RBFOX1: variants seen among roughly 807,000 people sequenced by gnomAD.
The protein encoded by RBFOX1 is RNA binding protein fox-1 homolog 1.
Under a neutral mutation model 57.7 loss-of-function variants are expected in RBFOX1, and 8 were observed. The ratio of observed to expected loss-of-function variants is 0.14; its 90% confidence interval spans 0.08 to 0.25. The LOEUF (loss-of-function observed/expected upper bound fraction) is 0.25, where lower values mean the gene tolerates loss of function less well. RBFOX1 is among the 10% of genes least tolerant of loss of function. The probability of loss-of-function intolerance (pLI) is 1.00; values close to 1 mark genes in which losing one functional copy is unlikely to be tolerated. For synonymous variants in RBFOX1, 326 were observed against 222.4 expected (o/e 1.47, Z -4.15); for missense variants, 611 against 548.5 (o/e 1.11, Z -1.14).
intron 4 of RBFOX1, among the ~76,000 whole-genome samples, chr16:7,140,068 T>C (rs1454735232): frequency 6.6e-6 from 1 of 151,854 alleles, no homozygotes; most frequent in East Asian, 1.9e-4. Flanking sequence ...CAAAGAATGG[T>C]AGGCTCTGTC....
At chr16:7,699,426 A>T (rs887212801) in intron 14 of RBFOX1, among the ~76,000 whole-genome samples, 1 of 152,122 alleles carries the variant, frequency 6.6e-6, no homozygotes, top group Non-Finnish European at 1.5e-5. Context: ...TCCTGGCCTC[A>T]AGCCATCCTG....
chr16:5,248,285 G>A (rs1269850319), intron 1 of RBFOX1, among the ~76,000 whole-genome samples: 4 of 152,256 alleles, frequency 2.6e-5, no homozygotes, highest in African/African-American at 9.6e-5. Flanking sequence ...AAAAGCTCTT[G>A]CTAATAACCA....
chr16:6,469,514 G>C (rs2095126784), intron 2 of RBFOX1, among the ~76,000 whole-genome samples: 1 of 152,166 alleles, frequency 6.6e-6, no homozygotes, highest in Non-Finnish European at 1.5e-5. Flanking sequence ...AGTTAGCTTT[G>C]AAAACAAGAC....
At chr16:6,958,868 C>A (rs1056985359) in intron 3 of RBFOX1, among the ~76,000 whole-genome samples, 1 of 151,956 alleles carries the variant, frequency 6.6e-6, no homozygotes, top group Admixed American at 6.6e-5. Context: ...CTTTTATTAC[C>A]TTTTTTTGAG....
chr16:5,903,285 G>C (rs72769087), intron 4 of RBFOX1, among the ~76,000 whole-genome samples: 1 of 151,998 alleles, frequency 6.6e-6, no homozygotes, highest in Admixed American at 6.6e-5. Context: ...CCACTGCTTC[G>C]TCATCCTCCC....
At chr16:5,274,720 C>T (rs2063099764) in intron 1 of RBFOX1, among the ~76,000 whole-genome samples, 2 of 152,186 alleles carry the variant, frequency 1.3e-5, no homozygotes, top group East Asian at 1.9e-4. Context: ...ACTATGGCCG[C>T]AGGAGCCACC....
intron 3 of RBFOX1, among the ~76,000 whole-genome samples, chr16:6,982,827 T>C (rs888015110): frequency 1.3e-5 from 2 of 151,936 alleles, no homozygotes. Context: ...GCCCTGTCTC[T>C]ACTAAAAATA....
chr16:6,899,210 T>C (rs1043942063), intron 3 of RBFOX1, among the ~76,000 whole-genome samples: 1 of 148,058 alleles, frequency 6.8e-6, no homozygotes, highest in Admixed American at 6.6e-5. Context: ...TGTGTGTATA[T>C]GTGTGTGTAT....
Position 6,512,283 on chromosome 16 carries a change from C to CAAAAAAAAAAAAAAAAAA in RBFOX1, c.-63-142304_-63-142303insAAAAAAAAAAAAAAAAAA, listed in dbSNP as rs565248640. Among the ~76,000 whole-genome samples the CAAAAAAAAAAAAAAAAAA allele has an allele frequency of 8.5e-4, 74 of 86,942 alleles. 2 individuals are homozygous for CAAAAAAAAAAAAAAAAAA. The highest frequency in any genetic ancestry group is 1.7e-3 in the African/African-American group (35 of 20,158). The allele number at this position is 86,942 out of a possible 152,430, so 57.0% of individuals were successfully genotyped here. A position where few individuals can be genotyped will look rare whatever the true frequency, so the allele number is the denominator to read the frequency against. ...TGGGTAACAGAGCAAGACCCTGTATCAAAAAAAAAAAAAAAAGGTAAGAGA... is the reference window on the plus strand; with the variant it reads ...TGGGTAACAGAGCAAGACCCTGTATCAAAAAAAAAAAAAAAAAAAAAAAAAAAAAAAAAAGGTAAGAGA... On this transcript the variant is annotated intron_variant, in intron 2 of 15. Transcript: ENST00000550418.
intron 1 of RBFOX1, among the ~76,000 whole-genome samples, chr16:5,388,912 C>A (rs1289767968): frequency 6.7e-6 from 1 of 150,028 alleles, no homozygotes; most frequent in African/African-American, 2.4e-5. Flanking sequence ...AGGTAAGGGG[C>A]CGGGCGCGGT....
At chr16:6,103,469 T>C (rs771692098) in intron 1 of RBFOX1, among the ~76,000 whole-genome samples, 1 of 152,138 alleles carries the variant, frequency 6.6e-6, no homozygotes, top group Non-Finnish European at 1.5e-5. Flanking sequence ...TCAGGCTAGG[T>C]TGATGCTGTA....
At chr16:7,612,930 A>G (rs1286198334) in intron 10 of RBFOX1, among the ~76,000 whole-genome samples, 1 of 152,200 alleles carries the variant, frequency 6.6e-6, no homozygotes, top group Admixed American at 6.5e-5. Flanking sequence ...AAGATGCACC[A>G]CTTGAACACA....
chr16:7,525,897 T>C (rs1286169450), intron 5 of RBFOX1, among the ~76,000 whole-genome samples: 1 of 152,296 alleles, frequency 6.6e-6, no homozygotes, highest in South Asian at 2.1e-4. Context: ...GTCTGCCTGA[T>C]GTTAAAGTCC....
At chr16:6,782,346 A>G (rs561551813) in intron 3 of RBFOX1, among the ~76,000 whole-genome samples, 5 of 152,206 alleles carry the variant, frequency 3.3e-5, no homozygotes, top group Admixed American at 3.3e-4. Flanking sequence ...TGTATCCCAT[A>G]GGTTTCAGTA....
chr16:6,549,035 A>G (rs62015486), intron 2 of RBFOX1, among the ~76,000 whole-genome samples: 62,550 of 144,834 alleles, frequency 0.43, 13,925 homozygotes, highest in East Asian at 0.73. Context: ...AGATCATGCC[A>G]CTGCACTCCA....
In RBFOX1 at chr16:7,572,336, C is replaced by T. The variant is rs1006957387; in HGVS notation, c.271-7441C>T. Among the ~76,000 whole-genome samples the T allele has an allele frequency of 2.6e-5, 4 of 152,246 alleles. No homozygotes were observed. The South Asian group carries it at 8.3e-4, about 32-fold the overall frequency. ...GACTTGCAGGTCGCTCATGGTAAGG[C>T]TTAGTCATTTACGCTGCAGATATTT... On this transcript the variant is annotated intron_variant, in intron 5 of 15. Coordinates refer to ENST00000550418, the MANE Select transcript of RBFOX1 (RefSeq NM_018723.4).
Position 5,429,093 on chromosome 16 carries a change from C to G in RBFOX1, c.220-38123C>G, listed in dbSNP as rs73522561. Among the ~76,000 whole-genome samples the G allele has an allele frequency of 1.9e-3, 289 of 152,284 alleles. 3 individuals are homozygous for G. Among genetic ancestry groups the G allele is most frequent in the African/African-American group, 6.8e-3 (281 of 41,564 alleles). On this transcript the variant is annotated intron_variant, in intron 1 of 2. Transcript: ENST00000585867. Reference sequence around the variant, plus strand: ...GCGAAGGGGACCAGGAAAACCAGCCCTGCACTGGGTCAGTTTCCCTCCTGC... The same window carrying G: ...GCGAAGGGGACCAGGAAAACCAGCCGTGCACTGGGTCAGTTTCCCTCCTGC...
At chr16:7,098,041 G>A (rs1301348904) in intron 4 of RBFOX1, among the ~76,000 whole-genome samples, 2 of 152,210 alleles carry the variant, frequency 1.3e-5, no homozygotes, top group Non-Finnish European at 2.9e-5. Flanking sequence ...GAGTATTCAA[G>A]TAAAGCCAGT....
intron 3 of RBFOX1, among the ~76,000 whole-genome samples, chr16:5,783,033 A>G (rs1365113675): frequency 1.3e-5 from 2 of 152,184 alleles, no homozygotes; most frequent in South Asian, 2.1e-4. Flanking sequence ...AAACACCCTC[A>G]TGGACACACC....
Sources: allele counts gnomAD v4.1 joint callset (sites outside exome capture counted in the v4.1 genomes callset), GRCh38; gene constraint gnomAD v4.1.1; transcripts MANE v1.5; gene names NCBI Gene and HGNC (gene_info 2026-07-23, HGNC 2026-07-21).